Variants in NCAM2 observed in about 807,000 individuals in gnomAD.
NCAM2 encodes the protein N-CAM-2.
NCAM2 carries 30 observed loss-of-function variants against 98.1 expected under a neutral mutation model. That is an observed-to-expected ratio of 0.31 (90% CI 0.23 to 0.41). The LOEUF (loss-of-function observed/expected upper bound fraction) is 0.41, where lower values mean the gene tolerates loss of function less well. Among genes scored for constraint, NCAM2 ranks in the 10% least tolerant of loss-of-function variants. NCAM2 has a pLI of 1.00. For synonymous variants in NCAM2, 368 were observed against 342.4 expected, an observed-to-expected ratio of 1.07 and a Z score of -0.83; for missense variants, 867 against 1,005.8, an observed-to-expected ratio of 0.86 and a Z score of 1.87.
intron 5 of NCAM2, among the ~76,000 whole-genome samples, chr21:21,320,870 A>G (rs1472902889): frequency 6.6e-6 from 1 of 152,214 alleles, no homozygotes; most frequent in Non-Finnish European, 1.5e-5. Context: ...CTTACTATCC[A>G]TGAGTAATAA....
At chr21:21,511,901 G>T (rs1036525565) in intron 16 of NCAM2, among the ~76,000 whole-genome samples, 4 of 151,930 alleles carry the variant, frequency 2.6e-5, no homozygotes, top group African/African-American at 9.7e-5. Flanking sequence ...TCTTTTGAGA[G>T]AAATGTCTAT....
chr21:21,045,332 A>G (rs2064987603), intron 1 of NCAM2, among the ~76,000 whole-genome samples: 1 of 152,170 alleles, frequency 6.6e-6, no homozygotes, highest in African/African-American at 2.4e-5. Context: ...TTGATATGCA[A>G]TTCCTGCCTC....
intron 12 of NCAM2, among the ~76,000 whole-genome samples, chr21:21,446,068 T>A (rs1394270222): frequency 6.6e-6 from 1 of 151,934 alleles, no homozygotes; most frequent in South Asian, 2.1e-4. Flanking sequence ...CTGAAAATGA[T>A]TTTTTTTCTC....
chr21:21,312,514 C>T (rs1343047051), intron 5 of NCAM2, among the ~76,000 whole-genome samples: 1 of 151,460 alleles, frequency 6.6e-6, no homozygotes, highest in African/African-American at 2.4e-5. Flanking sequence ...CAACCTAACA[C>T]TTTAAAGAAA....
At chr21:21,325,958 A>T (rs80207684) in intron 6 of NCAM2, among the ~76,000 whole-genome samples, 1,623 of 152,324 alleles carry the variant, frequency 0.011, 11 homozygotes, top group South Asian at 0.029. Flanking sequence ...TGGGAATAGT[A>T]GCTGGTAGGA....
At chr21:21,168,533 A>T (rs999551869) in intron 1 of NCAM2, among the ~76,000 whole-genome samples, 1 of 152,182 alleles carries the variant, frequency 6.6e-6, no homozygotes, top group Non-Finnish European at 1.5e-5. Context: ...AGGGGTGTTT[A>T]TTTAAAAAAT....
intron 1 of NCAM2, among the ~76,000 whole-genome samples, chr21:21,006,263 T>A (rs1384557398): frequency 6.6e-6 from 1 of 152,112 alleles, no homozygotes; most frequent in African/African-American, 2.4e-5. Context: ...TCCCAGGACT[T>A]TGGGAGGCCA....
At chr21:21,028,970 G>A (rs1001684119) in intron 1 of NCAM2, among the ~76,000 whole-genome samples, 2 of 152,118 alleles carry the variant, frequency 1.3e-5, no homozygotes, top group African/African-American at 4.8e-5. Context: ...TTAAAATTCA[G>A]CATGGAAAAC....
chr21:21,361,328 T>C (rs905745435), intron 8 of NCAM2, among the ~76,000 whole-genome samples: 1 of 152,118 alleles, frequency 6.6e-6, no homozygotes, highest in African/African-American at 2.4e-5. Flanking sequence ...TCCAGTTAGA[T>C]TTTACCACTC....
chr21:21,363,195 T>C, intron 8 of NCAM2, among the ~76,000 whole-genome samples: 1 of 152,160 alleles, frequency 6.6e-6, no homozygotes, highest in East Asian at 1.9e-4. Flanking sequence ...CACAAGTTTA[T>C]AGAAGCAAGA....
chr21:21,174,539 C>T (rs541128423), intron 1 of NCAM2, among the ~76,000 whole-genome samples: 5 of 152,078 alleles, frequency 3.3e-5, no homozygotes, highest in African/African-American at 1.2e-4. Context: ...CTAGTGCTGT[C>T]TAAGGGATAA....
intron 1 of NCAM2, among the ~76,000 whole-genome samples, chr21:21,034,102 T>G (rs2064749592): frequency 6.6e-6 from 1 of 151,684 alleles, no homozygotes; most frequent in South Asian, 2.1e-4. Context: ...CAAGTTTGAG[T>G]ACCCTAGTTT....
chr21:21,009,826 G>C (rs1601079179), intron 1 of NCAM2, among the ~76,000 whole-genome samples: 1 of 150,556 alleles, frequency 6.6e-6, no homozygotes, highest in East Asian at 2.0e-4. Flanking sequence ...TGTTTTCTCT[G>C]TTTTAAAAAG....
At chr21:21,338,346 T>C in intron 7 of NCAM2, 43 bp from the exon 8 acceptor site, 1 of 1,565,962 alleles carries the variant, frequency 6.4e-7, no homozygotes, top group Non-Finnish European at 8.8e-7. Flanking sequence ...AGAAGTAATA[T>C]TTTCCTCCAA....
chr21:21,151,597 G>C (rs1234056983), intron 1 of NCAM2, among the ~76,000 whole-genome samples: 1 of 151,976 alleles, frequency 6.6e-6, no homozygotes, highest in African/African-American at 2.4e-5. Context: ...ATTTGGAAGC[G>C]CTGGTAGTGG....
chr21:21,044,035 T>TG (rs2064960836), intron 1 of NCAM2, among the ~76,000 whole-genome samples: 11 of 150,194 alleles, frequency 7.3e-5, no homozygotes, highest in Admixed American at 2.0e-4. Context: ...TTTGAAGACT[T>TG]TGTGTGTGTG....
chr21:21,145,740 C>A (rs562727960), intron 1 of NCAM2, among the ~76,000 whole-genome samples: 1 of 151,944 alleles, frequency 6.6e-6, no homozygotes, highest in African/African-American at 2.4e-5. Context: ...TTAGAATACC[C>A]AGTATGCATG....
intron 1 of NCAM2, among the ~76,000 whole-genome samples, chr21:21,100,423 T>C (rs2066216220): frequency 6.6e-6 from 1 of 151,892 alleles, no homozygotes; most frequent in Non-Finnish European, 1.5e-5. Flanking sequence ...TCTTTGTGGA[T>C]GCTGGTAATG....
At chr21:21,095,591 C>T (rs1480668297) in intron 1 of NCAM2, among the ~76,000 whole-genome samples, 1 of 151,214 alleles carries the variant, frequency 6.6e-6, no homozygotes, top group Non-Finnish European at 1.5e-5. Flanking sequence ...TAAATAAGTT[C>T]TTTAAGGAAG....
Sources: allele counts gnomAD v4.1 joint callset (sites outside exome capture counted in the v4.1 genomes callset), GRCh38; gene constraint gnomAD v4.1.1; transcripts MANE v1.5; gene names NCBI Gene and HGNC (gene_info 2026-07-23, HGNC 2026-07-21).